VSTM2L: variants seen among roughly 807,000 people sequenced by gnomAD.
VSTM2L encodes the protein V-set and transmembrane domain-containing protein 2-like protein.
In VSTM2L, 9 loss-of-function variants were observed where a neutral mutation model predicts 19.9. The ratio of observed to expected loss-of-function variants is 0.45; its 90% confidence interval spans 0.27 to 0.79. VSTM2L has a LOEUF of 0.79. Among genes scored for constraint, VSTM2L ranks in the 30% least tolerant of loss-of-function variants. The probability of loss-of-function intolerance (pLI) is 0.15; values close to 1 mark genes in which losing one functional copy is unlikely to be tolerated. For missense variants in VSTM2L, 286 were observed against 295.5 expected (o/e 0.97, Z 0.24); for synonymous variants, 127 against 133.8 (o/e 0.95, Z 0.35).
chr20:37,928,049 C>T (rs1041086505), intron 1 of VSTM2L, among the ~76,000 whole-genome samples: 5 of 152,182 alleles, frequency 3.3e-5, no homozygotes, highest in African/African-American at 1.2e-4. Context: ...CTCTGATTTC[C>T]GTGGCTCAGG....
intron 1 of VSTM2L, among the ~76,000 whole-genome samples, chr20:37,907,538 G>C (rs981423479): frequency 6.6e-6 from 1 of 152,122 alleles, no homozygotes; most frequent in African/African-American, 2.4e-5. Flanking sequence ...GGACTGGCTT[G>C]GTTTGGTTTC....
chr20:37,921,180 C>G (rs1169165209), intron 1 of VSTM2L, among the ~76,000 whole-genome samples: 1 of 152,194 alleles, frequency 6.6e-6, no homozygotes, highest in Non-Finnish European at 1.5e-5. Context: ...GGCTTCCACC[C>G]TAGCCTGAGG....
Position 37,919,802 on chromosome 20 carries a change from C to T in VSTM2L, c.122-11833C>T, listed in dbSNP as rs555403379. Reference sequence around the variant, plus strand: ...TCAGTGGGGGAAATTTTGCAGCCAGCTTGAAGTCAGGCTGAACTCTAACTT... The same window carrying T: ...TCAGTGGGGGAAATTTTGCAGCCAGTTTGAAGTCAGGCTGAACTCTAACTT... On this transcript the variant is annotated intron_variant, in intron 1 of 3. Coordinates refer to ENST00000373461, the MANE Select transcript of VSTM2L (RefSeq NM_080607.3). 7.2e-5 allele frequency among the ~76,000 whole-genome samples: 11 copies of T among 152,238 alleles called. No individual in the cohort carries two copies. In the South Asian group the frequency reaches 1.4e-3, roughly 20 times the overall value.
At chr20:37,920,350 C>T (rs2072843215) in intron 1 of VSTM2L, among the ~76,000 whole-genome samples, 1 of 152,248 alleles carries the variant, frequency 6.6e-6, no homozygotes, top group Non-Finnish European at 1.5e-5. Flanking sequence ...CCTGTTGCAT[C>T]GTGGGCTCCA....
At chr20:37,915,643 T>G (rs566312214) in intron 1 of VSTM2L, among the ~76,000 whole-genome samples, 3 of 152,040 alleles carry the variant, frequency 2.0e-5, no homozygotes, top group Non-Finnish European at 4.4e-5. Context: ...TGCAGTTGGG[T>G]TGAAATCCAG....
intron 1 of VSTM2L, among the ~76,000 whole-genome samples, chr20:37,917,625 G>T (rs78785453): frequency 2.0e-5 from 3 of 152,244 alleles, no homozygotes; most frequent in Admixed American, 2.0e-4. Flanking sequence ...CACCCAGCAC[G>T]CCAGGGAGAG....
chr20:37,903,389 C>T lies in VSTM2L; in HGVS notation c.39C>T (p.His13=), dbSNP rs190346554. ...APLAVALGAL[H]YLALFLQLGG... is the part of the protein sequence containing the mutation. ...TCGCCGTAGCGCTGGGCGCCCTCCA[C>T]TACCTGGCACTTTTCCTGCAACTCG... The change falls in exon 1 of 4, where the codon CAC becomes CAT. Residue 13 remains histidine (H), a synonymous_variant. Coordinates refer to ENST00000373461, the MANE Select transcript of VSTM2L (RefSeq NM_080607.3). 4.0e-3 allele frequency: 5,894 copies of T among 1,487,676 alleles called. 200 individuals carry two copies. In the African/African-American group the frequency reaches 0.074, roughly 19 times the overall value. 92.2% of individuals were successfully genotyped at this position (1,487,676 alleles called of 1,614,324 possible). A position where few individuals can be genotyped will look rare whatever the true frequency, so the allele number is the denominator to read the frequency against.
chr20:37,903,957 A>G (rs1314214070), intron 1 of VSTM2L, among the ~76,000 whole-genome samples: 4 of 152,202 alleles, frequency 2.6e-5, no homozygotes, highest in Admixed American at 1.3e-4. Flanking sequence ...GCGCGCGCAC[A>G]CACACACAGG....
At chr20:37,913,926 C>T (rs927269970) in intron 1 of VSTM2L, among the ~76,000 whole-genome samples, 12 of 152,064 alleles carry the variant, frequency 7.9e-5, no homozygotes, top group Non-Finnish European at 1.8e-4. Flanking sequence ...GTGGGTTGGC[C>T]GTGGTGAGTG....
chr20:37,944,221 C>G lies in VSTM2L; in HGVS notation c.583C>G (p.Arg195Gly). 1 of 1,520,342 alleles carries G rather than the reference C, an allele frequency of 6.6e-7. No individual in the cohort carries two copies. Among genetic ancestry groups the G allele is most frequent in the Non-Finnish European group, 8.9e-7 (1 of 1,129,838 alleles). 94.2% of individuals were successfully genotyped at this position (1,520,342 alleles called of 1,614,324 possible). The change falls in exon 4 of 4, where the codon CGC becomes GGC. Residue 195 changes from arginine (R) to glycine (G), a missense_variant. Arg to Gly is a moderately radical substitution (Grantham distance 125). Transcript: ENST00000373461. ...CAAGCCAGGCAAGGAGCTGAGGAAG[C>G]GCTCGGTGGACCAGGAGGCCTGCAG... ...PPKPGKELRK[R>G]SVDQEACSL
intron 3 of VSTM2L, among the ~76,000 whole-genome samples, chr20:37,937,839 C>T (rs867561908): frequency 6.6e-6 from 1 of 152,268 alleles, no homozygotes; most frequent in East Asian, 1.9e-4. Context: ...GCCTGGGGGG[C>T]CAGGAGGGCT....
intron 1 of VSTM2L, among the ~76,000 whole-genome samples, chr20:37,927,786 C>T (rs1308153303): frequency 6.6e-6 from 1 of 152,160 alleles, no homozygotes; most frequent in Non-Finnish European, 1.5e-5. Context: ...CCAGCGGAGC[C>T]TCCACCCAAG....
intron 1 of VSTM2L, among the ~76,000 whole-genome samples, chr20:37,908,379 G>A (rs1183499296): frequency 6.6e-6 from 1 of 152,144 alleles, no homozygotes; most frequent in Non-Finnish European, 1.5e-5. Flanking sequence ...AATGAATCAT[G>A]GAGGCCCCTT....
In VSTM2L at chr20:37,903,349, C is replaced by G. The variant is rs140613830; in HGVS notation, c.-2C>G. 0.015 allele frequency: 21,522 copies of G among 1,460,858 alleles called. 309 individuals carry two copies. Among genetic ancestry groups the G allele is most frequent in the South Asian group, 0.053 (4,078 of 76,312 alleles). 90.5% of individuals were successfully genotyped at this position (1,460,858 alleles called of 1,614,324 possible). ...GCGGCGCCCCCGGCCCGAGAGCGCA[C>G]GATGGGGGCCCCGCTCGCCGTAGCG... On this transcript the variant is annotated 5_prime_UTR_variant, in exon 1 of 4. Coordinates refer to ENST00000373461, the MANE Select transcript of VSTM2L (RefSeq NM_080607.3).
In VSTM2L at chr20:37,945,200, C is replaced by T. The variant is rs575308846; in HGVS notation, c.*947C>T. On this transcript the variant is annotated 3_prime_UTR_variant, in exon 4 of 4. Transcript: ENST00000373461. ...TATTTCTATTGGACCCAATTCTCCTCGGAATTGGCTGGCACCTCTGGCTGC... is the reference window on the plus strand; with the variant it reads ...TATTTCTATTGGACCCAATTCTCCTTGGAATTGGCTGGCACCTCTGGCTGC... 2.8e-4 allele frequency: 279 copies of T among 985,354 alleles called. No individual in the cohort carries two copies. The highest frequency in any genetic ancestry group is 3.2e-4 in the Non-Finnish European group (269 of 829,958). 61.0% of individuals were successfully genotyped at this position (985,354 alleles called of 1,614,324 possible). A position where few individuals can be genotyped will look rare whatever the true frequency, so the allele number is the denominator to read the frequency against.
intron 1 of VSTM2L, among the ~76,000 whole-genome samples, chr20:37,905,796 G>C (rs1005012345): frequency 2.6e-5 from 4 of 152,182 alleles, no homozygotes; most frequent in East Asian, 3.8e-4. Flanking sequence ...GAAGGGTTTG[G>C]AGCCACTCAC....
At chr20:37,904,170 C>T (rs2072738408) in intron 1 of VSTM2L, among the ~76,000 whole-genome samples, 1 of 152,176 alleles carries the variant, frequency 6.6e-6, no homozygotes, top group Non-Finnish European at 1.5e-5. Context: ...CCCAGTTGGG[C>T]GGGTGGCACC....
At chr20:37,905,531 CAG>C (rs1040451499) in intron 1 of VSTM2L, among the ~76,000 whole-genome samples, 4 of 152,178 alleles carry the variant, frequency 2.6e-5, no homozygotes, top group African/African-American at 4.8e-5. Flanking sequence ...AGGCCCAGGA[CAG>C]GGGCTAGATG....
At chr20:37,903,570 C>G in intron 1 of VSTM2L, 99 bp downstream of exon 1, 1 of 1,311,064 alleles carries the variant, frequency 7.6e-7, no homozygotes, top group South Asian at 2.1e-5. Flanking sequence ...CGGCGCCAGT[C>G]GTGGCGGGCA....
Sources: gnomAD v4.1 joint callset for allele counts (sites outside exome capture counted in the v4.1 genomes callset) on GRCh38, gnomAD v4.1.1 for gene constraint, MANE v1.5 for transcripts, NCBI Gene and HGNC (gene_info 2026-07-23, HGNC 2026-07-21) for gene names.